The following EDIL3 variants were observed in gnomAD, a reference collection of about 807,000 sequenced individuals.
EDIL3 encodes EGF like and discoidin domains 3.
In EDIL3, 37 loss-of-function variants were observed where a neutral mutation model predicts 67.4. The observed-to-expected ratio is 0.55, with a 90% confidence interval of 0.42 to 0.72. The LOEUF (loss-of-function observed/expected upper bound fraction) is 0.72. Ranked by LOEUF, EDIL3 falls within the 30% of genes least tolerant of loss-of-function variation. EDIL3 has a pLI of 0.00. For synonymous variants in EDIL3, 195 were observed against 196.3 expected (o/e 0.99, Z 0.05); for missense variants, 527 against 586.3 (o/e 0.90, Z 1.04).
intron 1 of EDIL3, among the ~76,000 whole-genome samples, chr5:84,382,375 C>T (rs1011328950): frequency 6.6e-6 from 1 of 152,148 alleles, no homozygotes; most frequent in Non-Finnish European, 1.5e-5. Flanking sequence ...CGGGACTTGC[C>T]GCGCCCCGGG....
intron 3 of EDIL3, among the ~76,000 whole-genome samples, chr5:84,205,829 G>A (rs1408214059): frequency 1.3e-5 from 2 of 151,448 alleles, no homozygotes; most frequent in African/African-American, 4.9e-5. Flanking sequence ...CTTGCTAGCG[G>A]TCTATCAATT....
At chr5:84,171,901 T>C (rs1194983842) in intron 4 of EDIL3, among the ~76,000 whole-genome samples, 3 of 152,148 alleles carry the variant, frequency 2.0e-5, no homozygotes, top group African/African-American at 7.2e-5. Flanking sequence ...GTGACTCTAA[T>C]GTGTAGCCAA....
intron 1 of EDIL3, among the ~76,000 whole-genome samples, chr5:84,365,549 A>G (rs181025230): frequency 6.6e-6 from 1 of 152,286 alleles, no homozygotes; most frequent in East Asian, 1.9e-4. Flanking sequence ...GAAAGAGTAA[A>G]AAGAAAGCAG....
chr5:84,256,914 A>C (rs1745133382), intron 1 of EDIL3, among the ~76,000 whole-genome samples: 1 of 152,212 alleles, frequency 6.6e-6, no homozygotes, highest in Non-Finnish European at 1.5e-5. Flanking sequence ...CTAGTTAATA[A>C]ATACTAGGTA....
At chr5:84,211,331 CCT>C (rs955253371) in intron 3 of EDIL3, among the ~76,000 whole-genome samples, 3 of 152,176 alleles carry the variant, frequency 2.0e-5, no homozygotes, top group African/African-American at 7.2e-5. Flanking sequence ...AATGTCTGCT[CCT>C]CTCTGCCTGT....
intron 1 of EDIL3, among the ~76,000 whole-genome samples, chr5:84,368,703 GA>G (rs201904519): frequency 5.9e-5 from 9 of 151,488 alleles, no homozygotes; most frequent in African/African-American, 1.5e-4. Context: ...CACGGAATGA[GA>G]AAAAAAATTT....
At chr5:84,055,132 C>G (rs936597849) in intron 9 of EDIL3, among the ~76,000 whole-genome samples, 1 of 145,988 alleles carries the variant, frequency 6.8e-6, no homozygotes, top group African/African-American at 2.7e-5. Context: ...TGGAACAGAA[C>G]AGAGCCCTCA....
At chr5:84,030,575 G>T (rs910089926) in intron 9 of EDIL3, among the ~76,000 whole-genome samples, 2 of 152,138 alleles carry the variant, frequency 1.3e-5, no homozygotes, top group African/African-American at 4.8e-5. Flanking sequence ...TCATAATATA[G>T]AAGAATTTCA....
chr5:84,280,861 G>A (rs1453432580), intron 1 of EDIL3, among the ~76,000 whole-genome samples: 1 of 148,138 alleles, frequency 6.8e-6, no homozygotes, highest in Non-Finnish European at 1.5e-5. Context: ...TTAGGTAGGA[G>A]GATTGCTTGA....
intron 9 of EDIL3, among the ~76,000 whole-genome samples, chr5:83,970,181 T>A (rs1744766469): frequency 6.6e-6 from 1 of 150,538 alleles, no homozygotes. Context: ...AAAAGTGGCA[T>A]TTTTACCTTT....
chr5:84,303,662 T>C (rs1746205116), intron 1 of EDIL3, among the ~76,000 whole-genome samples: 1 of 152,196 alleles, frequency 6.6e-6, no homozygotes, highest in Admixed American at 6.5e-5. Context: ...AATTTTTAAT[T>C]TCAAAAGTTA....
chr5:84,364,497 A>T (rs1272937677), intron 1 of EDIL3, among the ~76,000 whole-genome samples: 1 of 152,136 alleles, frequency 6.6e-6, no homozygotes, highest in Non-Finnish European at 1.5e-5. Flanking sequence ...GATCTCCATG[A>T]TCTTCATCCC....
Position 84,282,151 on chromosome 5 carries a change from G to A in EDIL3, c.68-27939C>T, listed in dbSNP as rs189149872. On this transcript the variant is annotated intron_variant, in intron 1 of 10. Coordinates refer to ENST00000296591, the MANE Select transcript of EDIL3 (RefSeq NM_005711.5). Reference sequence around the variant, plus strand: ...CTCCCAAAGTGCTGGGATTACAGGCGTGAGCCACCGTGCCCGGCCTCATAT... The same window carrying A: ...CTCCCAAAGTGCTGGGATTACAGGCATGAGCCACCGTGCCCGGCCTCATAT... Among the ~76,000 whole-genome samples the A allele has an allele frequency of 3.3e-3, 495 of 151,898 alleles. 3 individuals are homozygous for A. Among genetic ancestry groups the A allele is most frequent in the African/African-American group, 0.011 (463 of 41,450 alleles).
At chr5:84,262,659 G>GTTTTTCTTTTTTT (rs1745251015) in intron 1 of EDIL3, among the ~76,000 whole-genome samples, 1 of 46,310 alleles carries the variant, frequency 2.2e-5, no homozygotes, top group Admixed American at 4.4e-4. Flanking sequence ...AGGTTGGTTG[G>GTTTTTCTTTTTTT]TTTTTTTTTT....
At chr5:84,187,620 C>T (rs1454090798) in intron 3 of EDIL3, among the ~76,000 whole-genome samples, 2 of 152,036 alleles carry the variant, frequency 1.3e-5, no homozygotes, top group East Asian at 3.9e-4. Flanking sequence ...GCTATGACCC[C>T]AAATTTCACC....
At chr5:84,037,805 T>C (rs987998824) in intron 9 of EDIL3, among the ~76,000 whole-genome samples, 4 of 152,068 alleles carry the variant, frequency 2.6e-5, no homozygotes, top group Admixed American at 2.6e-4. Flanking sequence ...AATCACCAAA[T>C]AGTGGATAGA....
intron 3 of EDIL3, among the ~76,000 whole-genome samples, chr5:84,195,914 C>T (rs1010358870): frequency 6.6e-6 from 1 of 151,918 alleles, no homozygotes; most frequent in Non-Finnish European, 1.5e-5. Context: ...GAGAAACTTA[C>T]CTCTTTTCAC....
At chr5:84,154,990 C>G (rs1259582378) in intron 4 of EDIL3, among the ~76,000 whole-genome samples, 1 of 152,024 alleles carries the variant, frequency 6.6e-6, no homozygotes, top group Admixed American at 6.6e-5. Context: ...ATGAGCCACG[C>G]GCCTAGCCTC....
At chr5:84,357,887 C>CAAAAAAAA (rs140686250) in intron 1 of EDIL3, among the ~76,000 whole-genome samples, 1 of 79,268 alleles carries the variant, frequency 1.3e-5, no homozygotes, top group Non-Finnish European at 2.4e-5. Context: ...GACTCAGTCT[C>CAAAAAAAA]AAAAAAAAAA....
Sources: gnomAD v4.1 joint callset for allele counts (sites outside exome capture counted in the v4.1 genomes callset) on GRCh38, gnomAD v4.1.1 for gene constraint, MANE v1.5 for transcripts, NCBI Gene and HGNC (gene_info 2026-07-23, HGNC 2026-07-21) for gene names.